The following RAD51B variants were observed in gnomAD, a reference collection of about 807,000 sequenced individuals.
RAD51B encodes the protein DNA repair protein RAD51 homolog 2.
Under a neutral mutation model 42.2 loss-of-function variants are expected in RAD51B, and 38 were observed. The observed-to-expected ratio is 0.90, with a 90% confidence interval of 0.70 to 1.18. RAD51B has a LOEUF of 1.18. Among genes scored for constraint, RAD51B ranks in the 50% most tolerant of loss-of-function variants. RAD51B has a pLI of 0.00. For synonymous variants in RAD51B, 154 were observed against 145.2 expected (o/e 1.06, Z -0.43); for missense variants, 373 against 400.7 (o/e 0.93, Z 0.59).
At chr14:67,997,859 G>A (rs756403321) in intron 7 of RAD51B, among the ~76,000 whole-genome samples, 3 of 151,898 alleles carry the variant, frequency 2.0e-5, no homozygotes, top group African/African-American at 4.8e-5. Flanking sequence ...TATCTTTCTC[G>A]TGCCAAATCT....
chr14:68,135,257 A>C (rs1257417974), intron 7 of RAD51B, among the ~76,000 whole-genome samples: 2 of 152,222 alleles, frequency 1.3e-5, no homozygotes, highest in Non-Finnish European at 2.9e-5. Context: ...AGATTTAATA[A>C]CACCGGAAAG....
chr14:68,017,970 G>GAATA (rs148672009), intron 7 of RAD51B, among the ~76,000 whole-genome samples: 26,120 of 149,304 alleles, frequency 0.17, 2,478 homozygotes, highest in Middle Eastern at 0.32. Context: ...ACTCCGTCTC[G>GAATA]AATAAATAAA....
chr14:68,201,684 T>C (rs2140926063), intron 7 of RAD51B, among the ~76,000 whole-genome samples: 1 of 152,304 alleles, frequency 6.6e-6, no homozygotes, highest in Admixed American at 6.5e-5. Flanking sequence ...TATCAATCTT[T>C]TTTATATCAG....
intron 8 of RAD51B, among the ~76,000 whole-genome samples, chr14:68,344,923 G>A (rs989220608): frequency 6.8e-6 from 1 of 147,450 alleles, no homozygotes; most frequent in Non-Finnish European, 1.5e-5. Flanking sequence ...CTCCAGCCTG[G>A]GCAACAGTGT....
At chr14:68,331,055 G>A (rs1033903027) in intron 8 of RAD51B, among the ~76,000 whole-genome samples, 6 of 151,936 alleles carry the variant, frequency 3.9e-5, no homozygotes, top group Non-Finnish European at 8.8e-5. Flanking sequence ...TTTATACATG[G>A]AAAAGCTATT....
intron 7 of RAD51B, among the ~76,000 whole-genome samples, chr14:68,101,888 C>T (rs542822129): frequency 6.6e-5 from 10 of 152,352 alleles, no homozygotes; most frequent in African/African-American, 1.9e-4. Flanking sequence ...TTTATGAGGG[C>T]TCCACCTCTA....
chr14:68,628,578 TTG>T (rs1227625260), intron 10 of RAD51B: 2 of 152,054 alleles, frequency 1.3e-5, no homozygotes, highest in East Asian at 3.9e-4. Flanking sequence ...CAACGGCGCA[TTG>T]TGGGGCCAAG....
At chr14:68,466,764 A>G (rs1192895125) in intron 9 of RAD51B, among the ~76,000 whole-genome samples, 2 of 152,234 alleles carry the variant, frequency 1.3e-5, no homozygotes, top group Non-Finnish European at 2.9e-5. Context: ...CCTACTTGCA[A>G]AAGAAGCAGA....
chr14:68,434,735 G>A (rs1444781059), intron 9 of RAD51B, among the ~76,000 whole-genome samples: 2 of 152,144 alleles, frequency 1.3e-5, no homozygotes, highest in Non-Finnish European at 2.9e-5. Flanking sequence ...ATGCTCGGTG[G>A]GCTGCACCCA....
At chr14:67,824,783 A>C (rs1396744406) in intron 2 of RAD51B, among the ~76,000 whole-genome samples, 3 of 151,986 alleles carry the variant, frequency 2.0e-5, no homozygotes, top group African/African-American at 7.2e-5. Flanking sequence ...TCTAGCTTAG[A>C]AAGAAACTCT....
intron 7 of RAD51B, among the ~76,000 whole-genome samples, chr14:68,002,184 T>C (rs1009159549): frequency 6.6e-6 from 1 of 152,190 alleles, no homozygotes; most frequent in Non-Finnish European, 1.5e-5. Context: ...GTGTTCCTTT[T>C]TCTCTGCAAC....
intron 9 of RAD51B, among the ~76,000 whole-genome samples, chr14:68,454,231 C>A (rs1239435011): frequency 6.6e-6 from 1 of 152,004 alleles, no homozygotes; most frequent in Non-Finnish European, 1.5e-5. Flanking sequence ...GGGGAGATAA[C>A]CAAGATAGAT....
chr14:68,399,881 T>C (rs1225291010), intron 8 of RAD51B, among the ~76,000 whole-genome samples: 1 of 152,214 alleles, frequency 6.6e-6, no homozygotes, highest in East Asian at 1.9e-4. Flanking sequence ...CAGGATGCAG[T>C]CCAGGATTAG....
At chr14:68,245,542 A>G (rs184319489) in intron 7 of RAD51B, among the ~76,000 whole-genome samples, 287 of 152,378 alleles carry the variant, frequency 1.9e-3, no homozygotes, top group Middle Eastern at 0.014. Flanking sequence ...ATTATGCAAC[A>G]TAAGTTACCT....
intron 7 of RAD51B, among the ~76,000 whole-genome samples, chr14:68,157,903 A>G (rs1196448493): frequency 6.6e-6 from 1 of 152,208 alleles, no homozygotes; most frequent in Non-Finnish European, 1.5e-5. Flanking sequence ...CCCTTCTAAT[A>G]TAAATTTTTA....
In RAD51B at chr14:68,209,351, C is replaced by A. The variant is rs1341203436; in HGVS notation, c.757-82533C>A. Among the ~76,000 whole-genome samples, 3 of 152,200 alleles carry A rather than the reference C, an allele frequency of 2.0e-5. No homozygotes were observed. The East Asian group carries it at 5.8e-4, about 29-fold the overall frequency. On this transcript the variant is annotated intron_variant, in intron 7 of 10. Transcript: ENST00000471583. ...CATCCTTTCTAAGTTGAGGCAGTGA[C>A]AGAGGGCACAGCAGCCATTGCTAAT...
At chr14:68,128,876 T>C (rs919365368) in intron 7 of RAD51B, among the ~76,000 whole-genome samples, 4 of 152,246 alleles carry the variant, frequency 2.6e-5, no homozygotes, top group Non-Finnish European at 5.9e-5. Flanking sequence ...TCATTGAAAT[T>C]AATTTTTCTT....
chr14:68,593,742 C>A (rs927661993), intron 10 of RAD51B, among the ~76,000 whole-genome samples: 1 of 152,156 alleles, frequency 6.6e-6, no homozygotes, highest in African/African-American at 2.4e-5. Flanking sequence ...GTCTGTGCAG[C>A]CCCTCAAATC....
intron 7 of RAD51B, among the ~76,000 whole-genome samples, chr14:68,121,734 A>C (rs1475303946): frequency 6.6e-6 from 1 of 152,154 alleles, no homozygotes; most frequent in Non-Finnish European, 1.5e-5. Context: ...TATTTGGAAA[A>C]ACCAAGTGAT....
Sources: allele counts gnomAD v4.1 joint callset (sites outside exome capture counted in the v4.1 genomes callset), GRCh38; gene constraint gnomAD v4.1.1; transcripts MANE v1.5; gene names NCBI Gene and HGNC (gene_info 2026-07-23, HGNC 2026-07-21).